Variants in ANKHD1 observed in about 807,000 individuals in gnomAD.
The protein encoded by ANKHD1 is ankyrin repeat and KH domain-containing protein 1.
A neutral mutation model predicts 230.5 loss-of-function variants in ANKHD1; 31 were observed. The observed-to-expected ratio is 0.13, with a 90% CI of 0.10 to 0.18. The LOEUF (loss-of-function observed/expected upper bound fraction) is 0.18. Among genes scored for constraint, ANKHD1 ranks in the 10% least tolerant of loss-of-function variants. The probability of loss-of-function intolerance (pLI) is 1.00; values close to 1 mark genes in which losing one functional copy is unlikely to be tolerated. For missense variants in ANKHD1, 2,256 were observed against 3,071.3 expected, an observed-to-expected ratio of 0.73 and a Z score of 6.27; for synonymous variants, 1,074 against 1,117.6, an observed-to-expected ratio of 0.96 and a Z score of 0.78.
chr5:140,525,406 G>A (rs1396948425), intron 25 of ANKHD1, among the ~76,000 whole-genome samples: 1 of 151,900 alleles, frequency 6.6e-6, no homozygotes. Flanking sequence ...GGGACCACAG[G>A]TATGCACCAC....
chr5:140,506,927 T>C lies in ANKHD1; in HGVS notation c.3501T>C (p.Tyr1167=), dbSNP rs771192238. The part of the protein sequence containing the change: ...TPLSLAASGG[Y]VNIIKILLNA... ...TGAGTCTAGCTGCGTCTGGAGGATATGTTAATATCATTAAGATTCTGCTTA... is the reference window on the plus strand; with the variant it reads ...TGAGTCTAGCTGCGTCTGGAGGATACGTTAATATCATTAAGATTCTGCTTA... The change falls in exon 19 of 34, where the codon TAT becomes TAC. Residue 1167 remains tyrosine (Y), a synonymous_variant. Coordinates refer to ENST00000360839, the MANE Select transcript of ANKHD1 (RefSeq NM_017747.3). The surrounding 1 kb of genome is among the most constrained non-coding windows in gnomAD (Gnocchi z 4.7). 5.0e-6 allele frequency: 8 copies of C among 1,614,042 alleles called. No homozygotes were observed. The East Asian group carries it at 1.6e-4, about 31-fold the overall frequency.
intron 10 of ANKHD1, among the ~76,000 whole-genome samples, chr5:140,474,210 G>C (rs1750837164): frequency 6.6e-6 from 1 of 152,084 alleles, no homozygotes; most frequent in Non-Finnish European, 1.5e-5. Flanking sequence ...TCTCCTGAGG[G>C]GTATGAATCC....
Position 140,459,289 on chromosome 5 carries a change from T to C in ANKHD1, c.1606T>C (p.Ser536Pro). 1 of 1,597,464 alleles carries C rather than the reference T, an allele frequency of 6.3e-7. No homozygotes were observed. The highest frequency in any genetic ancestry group is 8.6e-7 in the Non-Finnish European group (1 of 1,168,452). Residue 536 changes from serine (S) to proline (P), a missense_variant, in exon 9 of 34, where the codon TCC (serine) becomes CCC (proline). Around this residue, in one of 13 missense-constraint regions of ANKHD1, gnomAD observed 179 missense variants for 261.8 expected, o/e 0.68. Transcript: ENST00000360839. ...KAGADIELGCSTPLMEASQEG... is the reference protein window; with the variant it reads ...KAGADIELGCPTPLMEASQEG... ...AGGGGCTGATATAGAACTTGGCTGC[T>C]CCACACCTCTGATGGAGGCATCTCA...
intron 10 of ANKHD1, among the ~76,000 whole-genome samples, chr5:140,470,905 G>A (rs1776448950): frequency 6.6e-6 from 1 of 152,080 alleles, no homozygotes; most frequent in African/African-American, 2.4e-5. Flanking sequence ...GGGATTACAA[G>A]TATGAGCCAC....
chr5:140,458,857 C>T lies in ANKHD1; in HGVS notation c.1475C>T (p.Ala492Val). The T allele has an allele frequency of 1.2e-6, 2 of 1,608,994 alleles. No homozygotes were observed. Among genetic ancestry groups the T allele is most frequent in the Non-Finnish European group, 1.7e-6 (2 of 1,177,564 alleles). Residue 492 changes from alanine (A) to valine (V), a missense_variant, in exon 8 of 34, where the codon GCA (alanine) becomes GTA (valine). Physicochemically the swap from Ala to Val is moderately conservative, Grantham distance 64. Transcript: ENST00000360839. ...GAAGAAATGGTGGCACTACTCTTAG[C>T]ACAAGGTAAAGCAGTTTTACTTCTT... ...GHEEMVALLL[A>V]QGANINAQTE...
chr5:140,432,335 A>G (rs1773110639), intron 1 of ANKHD1, among the ~76,000 whole-genome samples: 1 of 152,174 alleles, frequency 6.6e-6, no homozygotes. Context: ...GGGATCATAT[A>G]ATGGGACCTT....
chr5:140,483,920 C>G (rs1751397770), intron 11 of ANKHD1, among the ~76,000 whole-genome samples: 1 of 152,104 alleles, frequency 6.6e-6, no homozygotes, highest in Admixed American at 6.5e-5. Flanking sequence ...GATGGATAAA[C>G]TCTGGAGTTC....
At chr5:140,416,193 G>A (rs1771373045) in intron 1 of ANKHD1, among the ~76,000 whole-genome samples, 1 of 152,180 alleles carries the variant, frequency 6.6e-6, no homozygotes, top group South Asian at 2.1e-4. Flanking sequence ...ATCATTGATG[G>A]ATGTTTGGGT....
Position 140,485,384 on chromosome 5 carries a change from C to G in ANKHD1, c.1998+136C>G, listed in dbSNP as rs1490706750. 17 of 663,832 alleles carry G rather than the reference C, an allele frequency of 2.6e-5. No individual in the cohort carries two copies. Among genetic ancestry groups the G allele is most frequent in the Non-Finnish European group, 3.0e-5 (15 of 500,030 alleles). 41.1% of individuals were successfully genotyped at this position (663,832 alleles called of 1,614,324 possible). A position where few individuals can be genotyped will look rare whatever the true frequency, so the allele number is the denominator to read the frequency against. ...CTAGTCTAGGCAACATAAGGAGACC[C>G]CATCTCTATTAAAACACACACACAC... On this transcript the variant is annotated intron_variant, in intron 12 of 33. Transcript: ENST00000360839. The surrounding 1 kb of genome is among the most constrained non-coding windows in gnomAD (Gnocchi z 4.8).
chr5:140,487,033 T>G lies in ANKHD1; in HGVS notation c.2218T>G (p.Ser740Ala), dbSNP rs529284938. 44 of 1,613,268 alleles carry G rather than the reference T, an allele frequency of 2.7e-5. No individual in the cohort carries two copies. Among genetic ancestry groups the G allele is most frequent in the Non-Finnish European group, 3.6e-5 (42 of 1,179,516 alleles). Residue 740 changes from serine to alanine, a missense_variant, in exon 14 of 34, where the codon TCT becomes GCT. Coordinates refer to ENST00000360839, the MANE Select transcript of ANKHD1 (RefSeq NM_017747.3). ...ACCTGACAGAACTTCACAGGAGAACTCTCCTGCCCTTTTAGGAGTGCAAAA... is the reference window on the plus strand; with the variant it reads ...ACCTGACAGAACTTCACAGGAGAACGCTCCTGCCCTTTTAGGAGTGCAAAA... ...QEPDRTSQEN[S>A]PALLGVQKGT...
At chr5:140,468,511 A>G (rs1193299354) in intron 10 of ANKHD1, among the ~76,000 whole-genome samples, 1 of 152,302 alleles carries the variant, frequency 6.6e-6, no homozygotes, top group East Asian at 1.9e-4. Context: ...GAGATTTGAT[A>G]TGGACCTCCC....
intron 1 of ANKHD1, among the ~76,000 whole-genome samples, chr5:140,406,536 G>C (rs969417284): frequency 5.3e-5 from 8 of 151,942 alleles, no homozygotes; most frequent in African/African-American, 1.9e-4. Context: ...TTTGGTTAGA[G>C]GAATGGACTC....
chr5:140,421,084 A>G (rs1303821086), intron 1 of ANKHD1, among the ~76,000 whole-genome samples: 1 of 151,942 alleles, frequency 6.6e-6, no homozygotes, highest in African/African-American at 2.4e-5. Context: ...TCCTTTTTTT[A>G]ACCCGTTTAC....
intron 1 of ANKHD1, among the ~76,000 whole-genome samples, chr5:140,431,775 A>T (rs982525725): frequency 2.0e-5 from 3 of 152,218 alleles, no homozygotes; most frequent in Admixed American, 6.5e-5. Flanking sequence ...AATTAACTCA[A>T]TAAATTATCT....
chr5:140,514,689 G>A (rs1352130464), intron 24 of ANKHD1, among the ~76,000 whole-genome samples: 4 of 151,888 alleles, frequency 2.6e-5, no homozygotes, highest in African/African-American at 4.8e-5. Context: ...CCCAATTTAC[G>A]GCTGGGAGCG....
chr5:140,459,111 T>A, intron 8 of ANKHD1, 53 bp from the exon 9 acceptor site: 1 of 1,366,580 alleles, frequency 7.3e-7, no homozygotes, highest in Non-Finnish European at 9.5e-7. Flanking sequence ...AAAATTAATA[T>A]CTTTATTATA....
Position 140,401,862 on chromosome 5 carries a change from G to C in ANKHD1, c.-106G>C. 2 of 1,426,526 alleles carry C rather than the reference G, an allele frequency of 1.4e-6. No homozygotes were observed. The highest frequency in any genetic ancestry group is 1.5e-5 in the South Asian group (1 of 65,094). The allele number at this position is 1,426,526 out of a possible 1,614,324, so 88.4% of individuals were successfully genotyped here. A position where few individuals can be genotyped will look rare whatever the true frequency, so the allele number is the denominator to read the frequency against. On this transcript the variant is annotated 5_prime_UTR_variant, in exon 1 of 34. Transcript: ENST00000360839. ...AGAAGTTAGTGGCGCTGCTGGGACG[G>C]GGGAAAGGAGACGCTTCTTCCTCTT...
At position 140,510,913 on chromosome 5, in the gene ANKHD1, C is replaced by T. The variant is rs530327756; in HGVS notation, c.4104+732C>T. On this transcript the variant is annotated intron_variant, in intron 22 of 33. Transcript: ENST00000360839. ...TCATAGCTCACTATAGCCTCAACCT[C>T]CCAGGCTCAATTGATCCTCCCGCCT... is the stretch of plus-strand genomic sequence containing the variant. Among the ~76,000 whole-genome samples, 12 of 152,114 alleles carry T rather than the reference C, an allele frequency of 7.9e-5. No individual in the cohort carries two copies. In the East Asian group the frequency reaches 2.3e-3, roughly 29 times the overall value.
At position 140,438,981 on chromosome 5, in the gene ANKHD1, C is replaced by T. The variant is rs113976060; in HGVS notation, c.617+364C>T. Among the ~76,000 whole-genome samples, 37 of 152,242 alleles carry T rather than the reference C, an allele frequency of 2.4e-4. No individual in the cohort carries two copies. In the East Asian group the frequency reaches 6.6e-3, roughly 27 times the overall value. ...TAATACATGAAACGAGTTACTAATG[C>T]AGTAGTGTAGTTGCTTGCTACTCAA... On this transcript the variant is annotated intron_variant, in intron 3 of 33. Coordinates refer to ENST00000360839, the MANE Select transcript of ANKHD1 (RefSeq NM_017747.3).
Sources: gnomAD v4.1 joint callset for allele counts (sites outside exome capture counted in the v4.1 genomes callset) on GRCh38, gnomAD v4.1.1 for gene constraint, gnomAD v4.1.1 regional missense constraint, Gnocchi (gnomAD v3.1) non-coding constraint, MANE v1.5 for transcripts, NCBI Gene and HGNC (gene_info 2026-07-23, HGNC 2026-07-21) for gene names.